AUH: variants seen among roughly 807,000 people sequenced by gnomAD.
The protein encoded by AUH is AU RNA binding methylglutaconyl-CoA hydratase, also known as methylglutaconyl-CoA hydratase, mitochondrial.
A neutral mutation model predicts 42.3 loss-of-function variants in AUH; 29 were observed. The ratio of observed to expected loss-of-function variants is 0.69; its 90% confidence interval spans 0.51 to 0.93. The LOEUF is 0.93. Ranked by LOEUF, AUH falls within the 40% of genes least tolerant of loss-of-function variation. The pLI, the probability that AUH is intolerant of heterozygous loss-of-function variation, is 0.00. For missense variants in AUH, 452 were observed against 438.1 expected (o/e 1.03, Z -0.28); for synonymous variants, 174 against 166.4 (o/e 1.05, Z -0.35).
intron 6 of AUH, among the ~76,000 whole-genome samples, chr9:91,290,246 C>A (rs1321182531): frequency 6.6e-6 from 1 of 152,020 alleles, no homozygotes; most frequent in Non-Finnish European, 1.5e-5. Context: ...TGAGACCCTG[C>A]CTCTACAAAA....
intron 8 of AUH, among the ~76,000 whole-genome samples, chr9:91,216,349 A>G (rs1826820597): frequency 6.6e-6 from 1 of 152,066 alleles, no homozygotes; most frequent in African/African-American, 2.4e-5. Flanking sequence ...TCAAAGAGGC[A>G]TGTCTGAACA....
chr9:91,243,931 T>C (rs1369317891), intron 6 of AUH, among the ~76,000 whole-genome samples: 1 of 152,186 alleles, frequency 6.6e-6, no homozygotes, highest in Admixed American at 6.5e-5. Flanking sequence ...AACGAACTAG[T>C]CAACAACTGT....
chr9:91,225,476 T>A (rs751692547), intron 6 of AUH, among the ~76,000 whole-genome samples: 1 of 152,226 alleles, frequency 6.6e-6, no homozygotes, highest in Non-Finnish European at 1.5e-5. Flanking sequence ...TTCATTAGAT[T>A]AGATGATATA....
intron 6 of AUH, among the ~76,000 whole-genome samples, chr9:91,234,300 G>A (rs1040580901): frequency 2.0e-5 from 3 of 152,182 alleles, no homozygotes; most frequent in Non-Finnish European, 2.9e-5. Flanking sequence ...AGGACTGACA[G>A]TCTGAATGGG....
intron 6 of AUH, among the ~76,000 whole-genome samples, chr9:91,250,731 C>A (rs924252906): frequency 1.3e-5 from 2 of 152,196 alleles, no homozygotes; most frequent in Non-Finnish European, 1.5e-5. Flanking sequence ...GCTCAGTAAA[C>A]AGAAACTTCT....
intron 6 of AUH, among the ~76,000 whole-genome samples, chr9:91,253,724 C>A (rs533036851): frequency 1.3e-5 from 2 of 152,300 alleles, no homozygotes; most frequent in South Asian, 4.1e-4. Context: ...AGTTTCTGTA[C>A]CCCCTTGTGG....
chr9:91,323,633 A>C (rs1389631929), intron 4 of AUH, among the ~76,000 whole-genome samples: 4 of 152,130 alleles, frequency 2.6e-5, no homozygotes, highest in African/African-American at 9.7e-5. Flanking sequence ...AAAAAAAAAA[A>C]AAACTTAATA....
At chr9:91,337,683 TC>T (rs1359941663) in intron 3 of AUH, among the ~76,000 whole-genome samples, 1 of 152,196 alleles carries the variant, frequency 6.6e-6, no homozygotes, top group Non-Finnish European at 1.5e-5. Flanking sequence ...ATTCAGGCAA[TC>T]CTAACAGGCT....
At chr9:91,239,280 G>T (rs982657760) in intron 6 of AUH, among the ~76,000 whole-genome samples, 3 of 151,822 alleles carry the variant, frequency 2.0e-5, no homozygotes, top group Admixed American at 6.6e-5. Context: ...CCAAATTGAG[G>T]GCATTTACTG....
intron 6 of AUH, among the ~76,000 whole-genome samples, chr9:91,239,706 A>G (rs1344854067): frequency 6.6e-6 from 1 of 152,164 alleles, no homozygotes; most frequent in Non-Finnish European, 1.5e-5. Flanking sequence ...AATGCTTCCT[A>G]TTCACTGAGG....
intron 4 of AUH, among the ~76,000 whole-genome samples, chr9:91,320,500 T>C (rs58170057): frequency 0.025 from 3,855 of 152,296 alleles, 78 homozygotes; most frequent in East Asian, 0.066. Flanking sequence ...AATCCAGCTG[T>C]TTCTGCACCT....
chr9:91,259,022 T>C (rs545954557), intron 6 of AUH, among the ~76,000 whole-genome samples: 1 of 152,336 alleles, frequency 6.6e-6, no homozygotes, highest in South Asian at 2.1e-4. Flanking sequence ...AGGAAGGTAA[T>C]GCTGGCCTGG....
intron 3 of AUH, among the ~76,000 whole-genome samples, chr9:91,336,891 C>G (rs1465627639): frequency 1.1e-4 from 16 of 152,164 alleles, no homozygotes; most frequent in African/African-American, 3.9e-4. Context: ...ATTCTTTGCT[C>G]CCTAATTGCA....
chr9:91,277,708 C>G (rs559664570), intron 6 of AUH, among the ~76,000 whole-genome samples: 2 of 152,234 alleles, frequency 1.3e-5, no homozygotes, highest in African/African-American at 4.8e-5. Context: ...GAATCAAAAT[C>G]AAGTGACATG....
chr9:91,300,358 T>C (rs1159497997), intron 4 of AUH, among the ~76,000 whole-genome samples: 1 of 152,188 alleles, frequency 6.6e-6, no homozygotes, highest in Non-Finnish European at 1.5e-5. Context: ...TCCAAACCAT[T>C]TCTTCTCAAT....
intron 3 of AUH, among the ~76,000 whole-genome samples, chr9:91,331,618 T>C (rs1486115162): frequency 2.6e-5 from 4 of 152,224 alleles, no homozygotes; most frequent in Admixed American, 2.6e-4. Flanking sequence ...ACGCATGGAA[T>C]TGATACATTA....
In AUH at chr9:91,313,887, G is replaced by A. The variant is rs541609179; in HGVS notation, c.505+11431C>T. On this transcript the variant is annotated intron_variant, in intron 4 of 9. Coordinates refer to ENST00000375731, the MANE Select transcript of AUH (RefSeq NM_001698.3). ...GCCCAGGCTGGAGTGCAAATGGCAC[G>A]ATCTCGGCTCATTGCAACCTCCGCC... is the stretch of plus-strand genomic sequence containing the variant. Among the ~76,000 whole-genome samples the A allele has an allele frequency of 4.1e-5, 6 of 147,146 alleles. No homozygotes were observed. In the East Asian group the frequency reaches 1.0e-3, roughly 26 times the overall value.
intron 3 of AUH, chr9:91,343,278 C>T (rs1057229570): frequency 6.6e-6 from 1 of 151,944 alleles, no homozygotes; most frequent in Non-Finnish European, 1.5e-5. Flanking sequence ...AAACTTCCAC[C>T]TTAGGAAGCT....
chr9:91,246,200 A>G (rs996411181), intron 6 of AUH, among the ~76,000 whole-genome samples: 2 of 152,236 alleles, frequency 1.3e-5, no homozygotes, highest in African/African-American at 4.8e-5. Context: ...GCCCTCAACC[A>G]GAATCAACCC....
Sources: allele counts gnomAD v4.1 joint callset (sites outside exome capture counted in the v4.1 genomes callset), GRCh38; gene constraint gnomAD v4.1.1; transcripts MANE v1.5; gene names NCBI Gene and HGNC (gene_info 2026-07-23, HGNC 2026-07-21).